CRB2: variants seen among roughly 807,000 people sequenced by gnomAD.
CRB2 encodes crumbs cell polarity complex component 2.
A neutral mutation model predicts 110.9 loss-of-function variants in CRB2; 85 were observed. That is an observed-to-expected ratio of 0.77 (90% CI 0.64 to 0.92). CRB2 has a LOEUF of 0.92. Among genes scored for constraint, CRB2 ranks in the 40% least tolerant of loss-of-function variants. CRB2 has a pLI of 0.00. For missense variants in CRB2, 1,843 were observed against 1,851.3 expected (o/e 1.00, Z 0.08); for synonymous variants, 907 against 831.0 (o/e 1.09, Z -1.57).
At chr9:123,360,677 C>G (rs904637543) in intron 1 of CRB2, among the ~76,000 whole-genome samples, 1 of 152,162 alleles carries the variant, frequency 6.6e-6, no homozygotes. Context: ...AATGTGGGCC[C>G]GTGATTCCGG....
chr9:123,361,700 G>A (rs1370809555), intron 1 of CRB2, among the ~76,000 whole-genome samples: 5 of 152,162 alleles, frequency 3.3e-5, no homozygotes, highest in Admixed American at 1.3e-4. Context: ...CCTTGACTGC[G>A]GTGCTGGGGA....
In CRB2 at chr9:123,373,549, G is replaced by A. The variant is rs2042051514; in HGVS notation, c.3018G>A (p.Leu1006=). The A allele has an allele frequency of 6.7e-7, 1 of 1,487,526 alleles. No homozygotes were observed. 92.1% of individuals were successfully genotyped at this position (1,487,526 alleles called of 1,614,324 possible). ...LQGPGAVRIL[L]AENFTGCLGR... The stretch of plus-strand genomic sequence containing the variant: ...GCCCGGGTGCTGTGCGCATCCTGCT[G>A]GCTGAGAACTTCACCGGCTGCTTGG... The change falls in exon 10 of 13, where the codon CTG becomes CTA. Residue 1006 remains leucine (L), a synonymous_variant. Transcript: ENST00000373631.
chr9:123,378,802 T>TC, downstream of CRB2: 1 of 65,260 alleles, frequency 1.5e-5, no homozygotes, highest in African/African-American at 7.1e-5. Flanking sequence ...GTGCCTGTTT[T>TC]TTGTTTTTTT....
chr9:123,364,496 G>A (rs868565028), intron 2 of CRB2, among the ~76,000 whole-genome samples: 3 of 152,192 alleles, frequency 2.0e-5, no homozygotes, highest in Non-Finnish European at 4.4e-5. Flanking sequence ...ATTCCAAGCC[G>A]GGTGGGGGAG....
rs758322106 is a variant in CRB2, at chr9:123,367,729, G to A, written c.1054+43G>A. Reference sequence around the variant, plus strand: ...GGCCCTGGGACCATCAGAATTGGTGGTCCTCAGGTGAGAAGGTCCCTTCTG... The same window carrying A: ...GGCCCTGGGACCATCAGAATTGGTGATCCTCAGGTGAGAAGGTCCCTTCTG... On this transcript the variant is annotated intron_variant, in intron 6 of 12. Transcript: ENST00000373631. 70 of 1,296,200 alleles carry A rather than the reference G, an allele frequency of 5.4e-5. No homozygotes were observed. In the South Asian group the frequency reaches 7.1e-4, roughly 13 times the overall value. The allele number at this position is 1,296,200 out of a possible 1,614,324, so 80.3% of individuals were successfully genotyped here. A position where few individuals can be genotyped will look rare whatever the true frequency, so the allele number is the denominator to read the frequency against.
In CRB2 at chr9:123,356,422, C is replaced by T. The variant is rs188808517; in HGVS notation, c.94+68C>T. On this transcript the variant is annotated intron_variant, in intron 1 of 12. Coordinates refer to ENST00000373631, the MANE Select transcript of CRB2 (RefSeq NM_173689.7). Reference sequence around the variant, plus strand: ...GTCCCCCAAGACAGATACCCCAAGCCTTGGCTGCTGGGGTGGTGGGTGGGC... The same window carrying T: ...GTCCCCCAAGACAGATACCCCAAGCTTTGGCTGCTGGGGTGGTGGGTGGGC... 545 of 1,297,404 alleles carry T rather than the reference C, an allele frequency of 4.2e-4. 3 individuals are homozygous for T. The African/African-American group carries it at 7.7e-3, about 18-fold the overall frequency. The allele number at this position is 1,297,404 out of a possible 1,614,324, so 80.4% of individuals were successfully genotyped here. A position where few individuals can be genotyped will look rare whatever the true frequency, so the allele number is the denominator to read the frequency against.
chr9:123,370,523 AGCCACACTTCAG>A lies in CRB2; in HGVS notation c.1479_1490del (p.Gln494_Leu497del). 3 of 1,613,588 alleles carry A rather than the reference AGCCACACTTCAG, an allele frequency of 1.9e-6. No homozygotes were observed. Among genetic ancestry groups the A allele is most frequent in the Non-Finnish European group, 2.5e-6 (3 of 1,180,040 alleles). On this transcript the variant is annotated inframe_deletion, in exon 7 of 13. Transcript: ENST00000373631. ...AAAGCTTGGAGCTGGCATTGGTGGC[AGCCACACTTCAG>A]GCCACACTCTGGAGCTACAGCACCA... is the stretch of plus-strand genomic sequence containing the variant.
Position 123,371,563 on chromosome 9 carries a change from C to T in CRB2, c.2421C>T (p.Ser807=), listed in dbSNP as rs764349689. The T allele has an allele frequency of 4.3e-5, 69 of 1,612,788 alleles. No individual in the cohort carries two copies. Among genetic ancestry groups the T allele is most frequent in the South Asian group, 5.5e-5 (5 of 91,080 alleles). Residue 807 remains serine, a synonymous_variant, in exon 8 of 13, where the codon TCC becomes TCT. Coordinates refer to ENST00000373631, the MANE Select transcript of CRB2 (RefSeq NM_173689.7). ...QSWNLTAGCV[S]EDMCSPDPCF... is the part of the protein sequence containing the mutation. ...GGAACCTCACTGCGGGCTGCGTCTC[C>T]GAGGACATGTGCAGTGTAAGTGTCT... is the stretch of plus-strand genomic sequence containing the variant.
intron 6 of CRB2, chr9:123,368,840 C>T (rs1452028316): frequency 1.2e-5 from 15 of 1,249,270 alleles, no homozygotes; most frequent in Non-Finnish European, 1.4e-5. Context: ...CTCCTCCCCA[C>T]TTCCCCAGCC....
Position 123,370,675 on chromosome 9 carries a change from C to CTGCCCGGCTCTGTG in CRB2, c.1625_1638dup (p.Ala547ProfsTer155). ...CTACGGCTCTGGCATGAGGGCTGCC[C>CTGCCCGGCTCTGTG]TGCCCGGCTCTGTGTGGCCTCTGGT... On this transcript the variant is annotated frameshift_variant, in exon 7 of 13. Transcript: ENST00000373631. LOFTEE classifies it high-confidence loss of function. 1 of 1,606,262 alleles carries CTGCCCGGCTCTGTG rather than the reference C, an allele frequency of 6.2e-7. No individual in the cohort carries two copies. Among genetic ancestry groups the CTGCCCGGCTCTGTG allele is most frequent in the Non-Finnish European group, 8.5e-7 (1 of 1,179,952 alleles).
chr9:123,369,011 G>T, intron 6 of CRB2: 3 of 1,125,218 alleles, frequency 2.7e-6, no homozygotes, highest in Non-Finnish European at 3.4e-6. Flanking sequence ...GGAAGAGGCT[G>T]TGGTGTTTGT....
At position 123,374,298 on chromosome 9, in the gene CRB2, A is replaced by ACCCCTCCCTCT. The variant is rs199884239; in HGVS notation, c.3390-274_3390-264dup. Among the ~76,000 whole-genome samples the ACCCCTCCCTCT allele has an allele frequency of 4.8e-3, 716 of 150,518 alleles. 7 individuals carry two copies. Among genetic ancestry groups the ACCCCTCCCTCT allele is most frequent in the African/African-American group, 0.017 (680 of 40,824 alleles). The stretch of plus-strand genomic sequence containing the variant: ...TGGAAGGGGATCTGGCTGTGGCCTG[A>ACCCCTCCCTCT]CCCCTCCCTCTCCCCTCAAGGAATG... On this transcript the variant is annotated intron_variant, in intron 10 of 12. Transcript: ENST00000373631.
chr9:123,356,191 G>C (rs1000075295), upstream of CRB2: 8 of 1,087,958 alleles, frequency 7.4e-6, no homozygotes, highest in Admixed American at 1.2e-4. Flanking sequence ...GAGGGACGAG[G>C]GGGGTGCGGA....
chr9:123,354,763 G>A (rs1027353852), upstream of CRB2, among the ~76,000 whole-genome samples: 2 of 152,210 alleles, frequency 1.3e-5, no homozygotes, highest in East Asian at 3.9e-4. Flanking sequence ...CAGGGATGGG[G>A]CAGGGGCAGT....
intron 1 of CRB2, 101 bp downstream of exon 1, chr9:123,356,455 C>T (rs900644031): frequency 2.6e-5 from 24 of 918,598 alleles, no homozygotes; most frequent in Middle Eastern, 5.0e-4. Flanking sequence ...GGCTGGTCCG[C>T]GTGGGTGCAG....
upstream of CRB2, among the ~76,000 whole-genome samples, chr9:123,354,080 G>T (rs2041773289): frequency 6.6e-6 from 1 of 152,194 alleles, no homozygotes. Context: ...CCAGGGAGCG[G>T]TCAAGATGGT....
rs776096673 is a variant in CRB2 at position 123,366,029 on chromosome 9, G to A, written c.531G>A (p.Gly177=). ...GCTGTGTGTGCGCGCCAGGCTACGG[G>A]GGCACCCGTTGCCAGCTGGACCTCG... The part of the protein sequence containing the change: ...SFRCVCAPGY[G]GTRCQLDLDE... Residue 177 remains glycine, a synonymous_variant, in exon 3 of 13, where the codon GGG becomes GGA. Transcript: ENST00000373631. The A allele has an allele frequency of 6.3e-7, 1 of 1,589,584 alleles. No homozygotes were observed. Among genetic ancestry groups the A allele is most frequent in the South Asian group, 1.1e-5 (1 of 89,642 alleles).
intron 1 of CRB2, among the ~76,000 whole-genome samples, chr9:123,357,113 G>A (rs1032878666): frequency 1.3e-5 from 2 of 152,016 alleles, no homozygotes; most frequent in African/African-American, 4.8e-5. Flanking sequence ...CTGGGGATTT[G>A]GGAACATGTG....
rs536555517 is a variant in CRB2, at chr9:123,367,253, G to T, written c.836G>T (p.Arg279Leu). ...CAGCATGGGGGCCGATGCCTGCAGC[G>T]CTCTGACCCGGCCCTCTACGGGGGT... ...PCQHGGRCLQ[R>L]SDPALYGGVQ... The change falls in exon 5 of 13, where the codon CGC (arginine) becomes CTC (leucine). Residue 279 changes from arginine (R) to leucine (L), a missense_variant. Coordinates refer to ENST00000373631, the MANE Select transcript of CRB2 (RefSeq NM_173689.7). 6 of 1,596,802 alleles carry T rather than the reference G, an allele frequency of 3.8e-6. No homozygotes were observed. The highest frequency in any genetic ancestry group is 4.2e-6 in the Non-Finnish European group (5 of 1,177,484).
Sources: allele counts gnomAD v4.1 joint callset (sites outside exome capture counted in the v4.1 genomes callset), GRCh38; gene constraint gnomAD v4.1.1; transcripts MANE v1.5; gene names NCBI Gene and HGNC (gene_info 2026-07-23, HGNC 2026-07-21).